The following USP34 variants were observed in gnomAD, a reference collection of about 807,000 sequenced individuals.
USP34 encodes the protein ubiquitin specific peptidase 34.
Under a neutral mutation model 460.3 loss-of-function variants are expected in USP34, and 70 were observed. The observed-to-expected ratio is 0.15, with a 90% CI of 0.13 to 0.19. The LOEUF is 0.19. USP34 is among the 10% of genes least tolerant of loss of function. The probability of loss-of-function intolerance (pLI) is 1.00; values close to 1 mark genes in which losing one functional copy is unlikely to be tolerated. For missense variants in USP34, 3,985 were observed against 4,236.2 expected (o/e 0.94, Z 1.65); for synonymous variants, 1,647 against 1,405.3 (o/e 1.17, Z -3.85).
At position 61,228,991 on chromosome 2, in the gene USP34, C is replaced by T; in HGVS notation, c.7204G>A (p.Asp2402Asn). ...TCTTCTACTGAGGTATCCATATCAT[C>T]TGACCTAAGAGACAATTAAATAGAT... ...YLQPGMEDGS[D>N]DMDTSVEDIG... The change falls in exon 60 of 80, where the codon GAT (aspartate) becomes AAT (asparagine). Residue 2402 changes from aspartate (D) to asparagine (N), a missense_variant. Asp to Asn is a conservative substitution (Grantham distance 23). Around this residue, in one of 14 missense-constraint regions of USP34, gnomAD observed 604 missense variants for 684.8 expected, o/e 0.88. Coordinates refer to ENST00000398571, the MANE Select transcript of USP34 (RefSeq NM_014709.4). 1 of 1,575,428 alleles carries T rather than the reference C, an allele frequency of 6.3e-7. No homozygotes were observed. Among genetic ancestry groups the T allele is most frequent in the Non-Finnish European group, 8.6e-7 (1 of 1,161,320 alleles).
intron 10 of USP34, among the ~76,000 whole-genome samples, chr2:61,358,914 A>C (rs190961588): frequency 2.0e-5 from 3 of 152,360 alleles, no homozygotes; most frequent in East Asian, 3.9e-4. Flanking sequence ...AAAGAGGGTA[A>C]AGTTTTGTAT....
At chr2:61,245,463 CAT>C (rs1199249556) in intron 50 of USP34, among the ~76,000 whole-genome samples, 175 bp from the exon 51 acceptor site, 1 of 151,154 alleles carries the variant, frequency 6.6e-6, no homozygotes, top group African/African-American at 2.4e-5. Context: ...AATTTTATAA[CAT>C]ATTCTTAAGC....
intron 10 of USP34, among the ~76,000 whole-genome samples, chr2:61,358,973 G>T (rs1370904759): frequency 1.3e-5 from 2 of 152,034 alleles, no homozygotes; most frequent in Non-Finnish European, 2.9e-5. Flanking sequence ...CCTAAATAAA[G>T]ACAAAGACAT....
Position 61,339,689 on chromosome 2 carries a change from G to C in USP34, c.2501-8C>G. The C allele has an allele frequency of 1.0e-6, 1 of 1,001,530 alleles. No individual in the cohort carries two copies. 62.0% of individuals were successfully genotyped at this position (1,001,530 alleles called of 1,614,324 possible). On this transcript the variant is annotated splice_polypyrimidine_tract_variant and splice_region_variant and intron_variant, in intron 16 of 79. Transcript: ENST00000398571. ...GTTTATGAACTACAGGTCCTGAAGA[G>C]AAAAAAAAAAAAAAGACACACTATA... is the stretch of plus-strand genomic sequence containing the variant.
chr2:61,288,616 ATTTC>A, intron 34 of USP34, 57 bp downstream of exon 34: 3 of 1,538,834 alleles, frequency 1.9e-6, no homozygotes, highest in South Asian at 1.1e-5. Flanking sequence ...GCATTAGCAT[ATTTC>A]TTCAGTTTAT....
At chr2:61,324,783 G>A (rs1005419632) in intron 21 of USP34, among the ~76,000 whole-genome samples, 1 of 151,756 alleles carries the variant, frequency 6.6e-6, no homozygotes, top group Non-Finnish European at 1.5e-5. Flanking sequence ...AAAAGAAAGA[G>A]AAAAGGTCTT....
At chr2:61,413,376 T>A (rs1694099949) in intron 2 of USP34, among the ~76,000 whole-genome samples, 1 of 150,988 alleles carries the variant, frequency 6.6e-6, no homozygotes, top group Non-Finnish European at 1.5e-5. Flanking sequence ...GGCAATACAG[T>A]GAGACTCAGT....
At chr2:61,382,972 G>C (rs1199629730) in intron 6 of USP34, among the ~76,000 whole-genome samples, 1 of 152,118 alleles carries the variant, frequency 6.6e-6, no homozygotes, top group East Asian at 1.9e-4. Flanking sequence ...TCAGTGCCTA[G>C]AACGTAACAG....
chr2:61,262,203 T>G (rs1375285804), intron 43 of USP34, among the ~76,000 whole-genome samples: 1 of 149,812 alleles, frequency 6.7e-6, no homozygotes, highest in African/African-American at 2.5e-5. Context: ...TACTGTTTAC[T>G]CTTATTTTAG....
chr2:61,335,185 T>C (rs140950864), intron 18 of USP34, among the ~76,000 whole-genome samples: 2 of 152,320 alleles, frequency 1.3e-5, no homozygotes, highest in African/African-American at 4.8e-5. Context: ...AAGGAAACTT[T>C]ACAAAATCAA....
intron 27 of USP34, among the ~76,000 whole-genome samples, chr2:61,310,656 A>AAT (rs990981181): frequency 6.0e-5 from 9 of 150,492 alleles, no homozygotes; most frequent in African/African-American, 9.7e-5. Flanking sequence ...AGATATCAGA[A>AAT]ATATATATAT....
intron 1 of USP34, among the ~76,000 whole-genome samples, chr2:61,429,131 T>C (rs1694592169): frequency 6.6e-6 from 1 of 152,120 alleles, no homozygotes; most frequent in South Asian, 2.1e-4. Context: ...CAAGACACTA[T>C]CTCTACTAAA....
At chr2:61,198,237 G>A (rs139009743) in intron 75 of USP34, among the ~76,000 whole-genome samples, 3 of 152,214 alleles carry the variant, frequency 2.0e-5, no homozygotes, top group African/African-American at 7.2e-5. Context: ...TACTAAGAGC[G>A]ATTTTCCCCT....
intron 30 of USP34, 83 bp downstream of exon 30, chr2:61,296,717 T>C: frequency 1.4e-6 from 2 of 1,411,156 alleles, no homozygotes; most frequent in Non-Finnish European, 1.9e-6. Context: ...TGAGGGTACA[T>C]CAACAGGCAA....
intron 1 of USP34, among the ~76,000 whole-genome samples, chr2:61,467,019 G>C (rs780496796): frequency 6.6e-6 from 1 of 152,084 alleles, no homozygotes; most frequent in East Asian, 1.9e-4. Flanking sequence ...CAAGACAGCA[G>C]TCTTGGCCAG....
intron 6 of USP34, among the ~76,000 whole-genome samples, chr2:61,382,895 C>A (rs544847105): frequency 6.6e-6 from 1 of 152,130 alleles, no homozygotes; most frequent in Non-Finnish European, 1.5e-5. Flanking sequence ...TTATCATTTA[C>A]TTCTTTTGTA....
At chr2:61,371,204 T>C (rs1692613695) in intron 8 of USP34, among the ~76,000 whole-genome samples, 1 of 152,164 alleles carries the variant, frequency 6.6e-6, no homozygotes, top group Admixed American at 6.5e-5. Context: ...GTGGCCACCA[T>C]GTCATAGAGC....
intron 43 of USP34, among the ~76,000 whole-genome samples, chr2:61,263,720 G>C (rs1432106189): frequency 6.6e-6 from 1 of 151,864 alleles, no homozygotes; most frequent in East Asian, 1.9e-4. Context: ...CTAACCTCGT[G>C]ATCCACCGAC....
At position 61,256,966 on chromosome 2, in the gene USP34, A is replaced by G. The variant is rs762335825; in HGVS notation, c.6049-16T>C. Reference sequence around the variant, plus strand: ...GTTCACAATCCTAATCAATACACATAAAAAATTAATAAAAACTAGTAAATT... The same window carrying G: ...GTTCACAATCCTAATCAATACACATGAAAAATTAATAAAAACTAGTAAATT... On this transcript the variant is annotated splice_polypyrimidine_tract_variant and intron_variant, in intron 46 of 79. Coordinates refer to ENST00000398571, the MANE Select transcript of USP34 (RefSeq NM_014709.4). 4.8e-6 allele frequency: 7 copies of G among 1,470,612 alleles called. No individual in the cohort carries two copies. Among genetic ancestry groups the G allele is most frequent in the Non-Finnish European group, 6.3e-6 (7 of 1,112,590 alleles). 91.1% of individuals were successfully genotyped at this position (1,470,612 alleles called of 1,614,324 possible).
Sources: gnomAD v4.1 joint callset for allele counts (sites outside exome capture counted in the v4.1 genomes callset) on GRCh38, gnomAD v4.1.1 for gene constraint, gnomAD v4.1.1 regional missense constraint, MANE v1.5 for transcripts, NCBI Gene and HGNC (gene_info 2026-07-23, HGNC 2026-07-21) for gene names.